The following CAST variants were observed in gnomAD, a reference collection of about 807,000 sequenced individuals.
The protein encoded by CAST is calpastatin, also known as MIR583 host.
In CAST, 76 loss-of-function variants were observed where a neutral mutation model predicts 119.6. The observed-to-expected ratio is 0.64, with a 90% CI of 0.53 to 0.77. The LOEUF (loss-of-function observed/expected upper bound fraction) is 0.77. CAST is among the 30% of genes least tolerant of loss of function. CAST has a pLI of 0.00. For missense variants in CAST, 953 were observed against 946.5 expected, an observed-to-expected ratio of 1.01 and a Z score of -0.09; for synonymous variants, 319 against 331.6, an observed-to-expected ratio of 0.96 and a Z score of 0.41.
intron 3 of CAST, among the ~76,000 whole-genome samples, chr5:96,708,460 T>C (rs1487014585): frequency 1.3e-5 from 2 of 152,180 alleles, no homozygotes; most frequent in Non-Finnish European, 2.9e-5. Context: ...TTAAAATTTA[T>C]TAAAAGTCCC....
chr5:96,145,082 A>G, the CAST span, among the ~76,000 whole-genome samples: 1 of 152,212 alleles, frequency 6.6e-6, no homozygotes, highest in African/African-American at 2.4e-5. Context: ...AGCTTTAAAT[A>G]ATTGATTCCT....
intron 24 of CAST, chr5:96,761,062 A>G (rs1473958416): frequency 6.6e-6 from 1 of 152,146 alleles, no homozygotes; most frequent in Non-Finnish European, 1.5e-5. Context: ...TGAGAAATGG[A>G]CATAAATGAT....
chr5:96,412,181 A>G, the CAST span: 1 of 825,044 alleles, frequency 1.2e-6, no homozygotes, highest in South Asian at 1.5e-5. Flanking sequence ...TGGCCCTCTA[A>G]GTGCATTTAA....
At chr5:96,068,263 A>C in the CAST span, among the ~76,000 whole-genome samples, 2 of 152,076 alleles carry the variant, frequency 1.3e-5, no homozygotes, top group African/African-American at 4.8e-5. Context: ...TTAGAGATCT[A>C]GCCAAAAGAA....
At chr5:95,989,180 GA>G in the CAST span, among the ~76,000 whole-genome samples, 17 of 152,124 alleles carry the variant, frequency 1.1e-4, no homozygotes, top group Non-Finnish European at 1.9e-4. Flanking sequence ...TAAAAACAAG[GA>G]AGGTAGTTGT....
chr5:96,102,580 G>A, the CAST span, among the ~76,000 whole-genome samples: 1 of 152,158 alleles, frequency 6.6e-6, no homozygotes, highest in African/African-American at 2.4e-5. Context: ...TGGCTCGAAG[G>A]TGGAGTTTTG....
At chr5:96,647,383 TA>T (rs1011858545) in intron 1 of CAST, among the ~76,000 whole-genome samples, 4 of 152,216 alleles carry the variant, frequency 2.6e-5, no homozygotes, top group Non-Finnish European at 5.9e-5. Context: ...CCTTGCTTTG[TA>T]AAACCGTTTT....
the CAST span, among the ~76,000 whole-genome samples, chr5:96,325,515 T>G: frequency 6.6e-6 from 1 of 151,922 alleles, no homozygotes; most frequent in Non-Finnish European, 1.5e-5. Flanking sequence ...AGACTCGCTC[T>G]GTTGCCCAGG....
At chr5:96,700,910 CAGA>C (rs1040627775) in intron 3 of CAST, among the ~76,000 whole-genome samples, 7 of 151,960 alleles carry the variant, frequency 4.6e-5, no homozygotes, top group African/African-American at 1.2e-4. Flanking sequence ...TGACTTACAG[CAGA>C]AGAATCTTGC....
the CAST span, among the ~76,000 whole-genome samples, chr5:96,437,906 T>C: frequency 1.3e-5 from 2 of 152,224 alleles, no homozygotes; most frequent in Non-Finnish European, 2.9e-5. Flanking sequence ...TCCTTCCTTA[T>C]AATGATATTA....
intron 1 of CAST, among the ~76,000 whole-genome samples, chr5:96,649,787 A>C (rs73774349): frequency 4.1e-4 from 63 of 152,344 alleles, no homozygotes; most frequent in African/African-American, 1.4e-3. Context: ...TACCATTCAA[A>C]TGTAACATGT....
At chr5:96,520,571 G>A (rs1420390629), upstream of CAST, among the ~76,000 whole-genome samples, 1 of 149,382 alleles carries the variant, frequency 6.7e-6, no homozygotes, top group Non-Finnish European at 1.5e-5. Context: ...GTGTATGTGT[G>A]TGTGTCTGTG....
the CAST span, among the ~76,000 whole-genome samples, chr5:95,989,203 A>G: frequency 6.6e-6 from 1 of 152,350 alleles, no homozygotes; most frequent in South Asian, 2.1e-4. Context: ...CTTGATGGAA[A>G]AGAGACAACC....
At chr5:96,659,669 C>A (rs1169062881), upstream of CAST, among the ~76,000 whole-genome samples, 1 of 152,102 alleles carries the variant, frequency 6.6e-6, no homozygotes, top group Admixed American at 6.5e-5. Flanking sequence ...GCTGGGATTA[C>A]AGGTGCGCGC....
At chr5:96,746,301 C>T in intron 16 of CAST, 41 bp from the exon 17 acceptor site, 1 of 1,078,218 alleles carries the variant, frequency 9.3e-7, no homozygotes, top group Non-Finnish European at 1.4e-6. Context: ...TCATTATGTG[C>T]ATTATCCAAC....
chr5:96,423,562 G>T, the CAST span: 1 of 1,034,322 alleles, frequency 9.7e-7, no homozygotes, highest in Non-Finnish European at 1.5e-6. Flanking sequence ...TTTTCCTTGG[G>T]TCACTCTACT....
chr5:96,536,854 GA>G (rs772574830), intron 1 of CAST, among the ~76,000 whole-genome samples: 10 of 152,138 alleles, frequency 6.6e-5, no homozygotes, highest in Non-Finnish European at 1.5e-4. Flanking sequence ...TAGAAAGAAG[GA>G]AGCAAGTAAG....
At chr5:96,421,954 A>T in the CAST span, 1 of 1,299,660 alleles carries the variant, frequency 7.7e-7, no homozygotes, top group Non-Finnish European at 1.1e-6. Flanking sequence ...TAGCCTCTGG[A>T]TCCTAAAGAG....
At chr5:96,642,226 T>G (rs1039211113) in intron 1 of CAST, among the ~76,000 whole-genome samples, 33 of 152,218 alleles carry the variant, frequency 2.2e-4, no homozygotes, top group African/African-American at 7.7e-4. Flanking sequence ...TTTACCTGTA[T>G]CCACCACTAG....
Sources: allele counts gnomAD v4.1 joint callset (sites outside exome capture counted in the v4.1 genomes callset), GRCh38; gene constraint gnomAD v4.1.1; transcripts MANE v1.5; gene names NCBI Gene and HGNC (gene_info 2026-07-23, HGNC 2026-07-21).